Variants in RBKS observed in about 807,000 individuals in gnomAD.
RBKS encodes the protein ribokinase.
A neutral mutation model predicts 33.9 loss-of-function variants in RBKS; 33 were observed. That is an observed-to-expected ratio of 0.97 (90% confidence interval 0.74 to 1.30). The LOEUF (loss-of-function observed/expected upper bound fraction) is 1.30. RBKS is among the 50% of genes most tolerant of loss of function. The pLI, the probability that RBKS is intolerant of heterozygous loss-of-function variation, is 0.00. For synonymous variants in RBKS, 125 were observed against 143.0 expected, an observed-to-expected ratio of 0.87 and a Z score of 0.90; for missense variants, 361 against 392.6, an observed-to-expected ratio of 0.92 and a Z score of 0.68.
intron 1 of RBKS, among the ~76,000 whole-genome samples, chr2:27,875,573 CA>C: frequency 6.6e-6 from 1 of 152,166 alleles, no homozygotes; most frequent in East Asian, 1.9e-4. Flanking sequence ...AAAACAAAAA[CA>C]AGAATGTTAT....
intron 7 of RBKS, chr2:27,809,696 A>G (rs1487540179): frequency 3.1e-6 from 1 of 318,336 alleles, no homozygotes; most frequent in East Asian, 8.4e-5. Context: ...ATTTTCTGCT[A>G]AATGTTCATC....
chr2:27,876,549 ATAAG>A (rs1664319524), intron 1 of RBKS, among the ~76,000 whole-genome samples: 1 of 152,218 alleles, frequency 6.6e-6, no homozygotes, highest in African/African-American at 2.4e-5. Context: ...GCTAAGTGAA[ATAAG>A]TAAGTCACAT....
intron 1 of RBKS, among the ~76,000 whole-genome samples, chr2:27,888,677 G>C (rs962450939): frequency 2.6e-5 from 4 of 152,146 alleles, no homozygotes; most frequent in Non-Finnish European, 5.9e-5. Context: ...GCTATATTGT[G>C]TTGTAAACAC....
chr2:27,877,105 T>A (rs975141714), intron 1 of RBKS, among the ~76,000 whole-genome samples: 3 of 152,170 alleles, frequency 2.0e-5, no homozygotes, highest in African/African-American at 7.2e-5. Context: ...GAAAATCAGT[T>A]AATTCTTTCT....
At position 27,872,065 on chromosome 2, in the gene RBKS, A is replaced by G. The variant is rs186116615; in HGVS notation, c.90-13494T>C. ...GAGGTGGAGCTTAGGAGGTAATGTGAGCAATGGGGAGTGGCTGTAAATACA... is the reference window on the plus strand; with the variant it reads ...GAGGTGGAGCTTAGGAGGTAATGTGGGCAATGGGGAGTGGCTGTAAATACA... On this transcript the variant is annotated intron_variant, in intron 1 of 7. Transcript: ENST00000302188. 2.6e-4 allele frequency among the ~76,000 whole-genome samples: 40 copies of G among 152,270 alleles called. No individual in the cohort carries two copies. In the East Asian group the frequency reaches 7.3e-3, roughly 28 times the overall value.
intron 6 of RBKS, among the ~76,000 whole-genome samples, chr2:27,830,774 A>T (rs1573052424): frequency 1.3e-5 from 2 of 152,194 alleles, no homozygotes; most frequent in African/African-American, 4.8e-5. Context: ...TGTGCCAATG[A>T]CAATCTTCTA....
intron 1 of RBKS, among the ~76,000 whole-genome samples, chr2:27,867,118 T>A (rs888061514): frequency 2.9e-5 from 3 of 104,626 alleles, no homozygotes; most frequent in African/African-American, 7.1e-5. Context: ...AAAAAAAAAA[T>A]GCCTTTTTGC....
At chr2:27,846,435 T>C (rs1663622108) in intron 4 of RBKS, among the ~76,000 whole-genome samples, 1 of 152,208 alleles carries the variant, frequency 6.6e-6, no homozygotes, top group South Asian at 2.1e-4. Context: ...TCTGAAAGCA[T>C]TGGCATTACA....
In RBKS at chr2:27,837,287, AAAC is replaced by A. The variant is rs1343376976; in HGVS notation, c.515-4513_515-4511del. On this transcript the variant is annotated intron_variant, in intron 5 of 7. Transcript: ENST00000302188. The surrounding 1 kb of genome is among the most constrained non-coding windows in gnomAD (Gnocchi z 4.0). ...AGACTCCATCTCAAAAAACAAAACA[AAAC>A]AAAACGAAACAAAAAACAAAAAGTC... Among the ~76,000 whole-genome samples, 1 of 150,696 alleles carries A rather than the reference AAAC, an allele frequency of 6.6e-6. No homozygotes were observed. The highest frequency in any genetic ancestry group is 1.5e-5 in the Non-Finnish European group (1 of 68,020).
At chr2:27,784,181 C>T (rs942431195) in intron 7 of RBKS, among the ~76,000 whole-genome samples, 7 of 151,024 alleles carry the variant, frequency 4.6e-5, no homozygotes, top group Non-Finnish European at 1.0e-4. Flanking sequence ...GACGGGGTTT[C>T]ACCGTTTTAG....
intron 1 of RBKS, 89 bp from the exon 2 acceptor site, chr2:27,858,660 G>C (rs1237224836): frequency 8.7e-7 from 1 of 1,154,452 alleles, no homozygotes; most frequent in Non-Finnish European, 1.3e-6. Flanking sequence ...CTATATGGTA[G>C]AGCTCTAAAT....
chr2:27,831,007 C>T (rs965701277), intron 6 of RBKS, among the ~76,000 whole-genome samples: 2 of 152,132 alleles, frequency 1.3e-5, no homozygotes, highest in Non-Finnish European at 2.9e-5. Flanking sequence ...CCTCATTATG[C>T]CCCCAGCTGA....
At chr2:27,888,971 G>A (rs1257248759) in intron 1 of RBKS, among the ~76,000 whole-genome samples, 1 of 152,116 alleles carries the variant, frequency 6.6e-6, no homozygotes, top group African/African-American at 2.4e-5. Context: ...TTTTATCTTG[G>A]CACAGTGTCT....
At chr2:27,818,603 C>T (rs1389097346) in intron 7 of RBKS, among the ~76,000 whole-genome samples, 34 of 152,196 alleles carry the variant, frequency 2.2e-4, no homozygotes, top group Admixed American at 2.2e-3. Context: ...CTCCCTCAAA[C>T]AGTCAAAAAC....
intron 7 of RBKS, among the ~76,000 whole-genome samples, chr2:27,784,810 A>C (rs890788076): frequency 6.6e-6 from 1 of 152,204 alleles, no homozygotes; most frequent in African/African-American, 2.4e-5. Flanking sequence ...TGAGTGCCTA[A>C]AATGTGTTAG....
chr2:27,857,293 T>C (rs1273054815), intron 2 of RBKS, among the ~76,000 whole-genome samples: 1 of 152,186 alleles, frequency 6.6e-6, no homozygotes, highest in Non-Finnish European at 1.5e-5. Flanking sequence ...TCCCTAAAAA[T>C]CAAAGAAACA....
chr2:27,801,568 T>C (rs965463468), intron 7 of RBKS, among the ~76,000 whole-genome samples: 3 of 151,424 alleles, frequency 2.0e-5, no homozygotes, highest in Non-Finnish European at 2.9e-5. Flanking sequence ...AGTGTGAAAG[T>C]GATACATATT....
intron 6 of RBKS, among the ~76,000 whole-genome samples, chr2:27,830,963 C>T (rs995618109): frequency 3.3e-5 from 5 of 152,144 alleles, no homozygotes; most frequent in East Asian, 1.9e-4. Context: ...CCAAGTCACA[C>T]GTAGAGGCCA....
intron 6 of RBKS, among the ~76,000 whole-genome samples, chr2:27,829,665 C>G (rs1468015760): frequency 6.6e-6 from 1 of 152,198 alleles, no homozygotes; most frequent in Non-Finnish European, 1.5e-5. Context: ...CCACGCCCAG[C>G]CCTCAGTGGT....
Sources: allele counts gnomAD v4.1 joint callset (sites outside exome capture counted in the v4.1 genomes callset), GRCh38; gene constraint gnomAD v4.1.1; non-coding constraint Gnocchi (gnomAD v3.1); transcripts MANE v1.5; gene names NCBI Gene and HGNC (gene_info 2026-07-23, HGNC 2026-07-21).